The following VGLL1 variants were observed in gnomAD, a reference collection of about 807,000 sequenced individuals.
VGLL1 encodes the protein vestigial like family member 1.
VGLL1 carries 4 observed loss-of-function variants against 12.0 expected under a neutral mutation model. The observed-to-expected ratio is 0.33, with a 90% CI of 0.16 to 0.76. The LOEUF (loss-of-function observed/expected upper bound fraction) is 0.76. VGLL1 is among the 30% of genes least tolerant of loss of function. The probability of loss-of-function intolerance (pLI) is 0.60; values close to 1 mark genes in which losing one functional copy is unlikely to be tolerated. For synonymous variants in VGLL1, 87 were observed against 81.2 expected (o/e 1.07, Z -0.39); for missense variants, 204 against 208.7 (o/e 0.98, Z 0.14).
chrX:136,537,365 C>A (rs752098244), intron 2 of VGLL1, among the ~76,000 whole-genome samples: 7 of 109,485 alleles, frequency 6.4e-5, no homozygotes, highest in Middle Eastern at 4.6e-3. Context: ...AAAGCAAGAC[C>A]CTGTCTCAAA....
At chrX:136,534,471 G>A (rs754962527) in intron 1 of VGLL1, among the ~76,000 whole-genome samples, 1 of 112,758 alleles carries the variant, frequency 8.9e-6, no homozygotes, top group South Asian at 3.6e-4. Context: ...CTGTTGTGTA[G>A]ATTGGTAGTT....
rs749782510 is a variant in VGLL1, at chrX:136,556,430, A to G, written c.689-21A>G. On this transcript the variant is annotated intron_variant, in intron 4 of 4. Coordinates refer to ENST00000370634, the MANE Select transcript of VGLL1 (RefSeq NM_016267.4). ...ATAGGGGCCTAACTGGCTTTCATTA[A>G]CCATGTAACTTCTCCTTTAGCTCTT... 3 of 1,194,237 alleles carry G rather than the reference A, an allele frequency of 2.5e-6. No individual in the cohort carries two copies. The Admixed American group carries it at 6.6e-5, about 26-fold the overall frequency.
chrX:136,553,142 A>G (rs1051732721), intron 4 of VGLL1, among the ~76,000 whole-genome samples: 1 of 108,998 alleles, frequency 9.2e-6, no homozygotes, highest in Non-Finnish European at 1.9e-5. Flanking sequence ...TAAAAGGACA[A>G]TGGAACCCAG....
intron 1 of VGLL1, among the ~76,000 whole-genome samples, chrX:136,534,441 G>A (rs2075834205): frequency 8.9e-6 from 1 of 112,649 alleles, no homozygotes; most frequent in Admixed American, 9.4e-5. Flanking sequence ...CACTCAACAT[G>A]TTTTTGAGAT....
intron 4 of VGLL1, 127 bp downstream of exon 4, chrX:136,550,948 G>T: frequency 1.7e-6 from 1 of 582,205 alleles, no homozygotes; most frequent in East Asian, 3.5e-5. Flanking sequence ...TAATGGACGG[G>T]AGCCTTATTT....
intron 2 of VGLL1, among the ~76,000 whole-genome samples, chrX:136,538,912 G>C (rs1002300776): frequency 9.1e-6 from 1 of 109,638 alleles, no homozygotes; most frequent in Non-Finnish European, 1.9e-5. Context: ...TGGGCAGGAG[G>C]GGGTGGGTGG....
chrX:136,532,742 G>C (rs2075829317), intron 1 of VGLL1, among the ~76,000 whole-genome samples: 1 of 102,356 alleles, frequency 9.8e-6, no homozygotes, highest in Non-Finnish European at 2.0e-5. Context: ...ATATTTGAGG[G>C]AGCACTTTCT....
intron 1 of VGLL1, among the ~76,000 whole-genome samples, chrX:136,532,820 G>A (rs1312123101): frequency 9.2e-6 from 1 of 108,219 alleles, no homozygotes; most frequent in East Asian, 2.9e-4. Context: ...CCGTTCTGGC[G>A]GTACCACTGG....
intron 2 of VGLL1, 70 bp from the exon 3 acceptor site, chrX:136,548,519 T>TAAA: frequency 1.1e-6 from 1 of 935,878 alleles, no homozygotes; most frequent in Non-Finnish European, 1.4e-6. Context: ...GAGTATGTAT[T>TAAA]AAAAAAAAAA....
intron 2 of VGLL1, among the ~76,000 whole-genome samples, chrX:136,536,872 A>C (rs969322783): frequency 6.2e-5 from 7 of 112,353 alleles, no homozygotes; most frequent in Admixed American, 2.8e-4. Flanking sequence ...CAAATATGCA[A>C]ATTTGTGAGC....
At chrX:136,537,338 A>G (rs922863055) in intron 2 of VGLL1, among the ~76,000 whole-genome samples, 2 of 110,255 alleles carry the variant, frequency 1.8e-5, no homozygotes, top group Non-Finnish European at 3.8e-5. Context: ...GCACCACTGT[A>G]CTCCAGCCTG....
intron 2 of VGLL1, among the ~76,000 whole-genome samples, chrX:136,545,853 G>A (rs1274609774): frequency 9.0e-6 from 1 of 111,122 alleles, no homozygotes; most frequent in Non-Finnish European, 1.9e-5. Flanking sequence ...AAAGCAGGGG[G>A]AATGGCCTGC....
chrX:136,533,688 G>A (rs893116305), intron 1 of VGLL1, among the ~76,000 whole-genome samples: 21 of 112,057 alleles, frequency 1.9e-4, no homozygotes, highest in African/African-American at 3.2e-5. Flanking sequence ...TGCTGCCTGC[G>A]TTATCTGAAG....
chrX:136,556,638 T>G lies in VGLL1; in HGVS notation c.*99T>G. 1.3e-6 allele frequency: 1 copy of G among 771,833 alleles called. No homozygotes were observed. The highest frequency in any genetic ancestry group is 1.9e-6 in the Non-Finnish European group (1 of 519,187). The allele number at this position is 771,833 out of a possible 1,213,427, so 63.6% of individuals were successfully genotyped here. On this transcript the variant is annotated 3_prime_UTR_variant, in exon 5 of 5. Transcript: ENST00000370634. ...AAAATGAAAGCTGCTCACACCCACT[T>G]GCCTCCCCAATCTGTTAAACAGCTT...
At chrX:136,551,755 T>C (rs1374123194) in intron 4 of VGLL1, among the ~76,000 whole-genome samples, 1 of 111,486 alleles carries the variant, frequency 9.0e-6, no homozygotes, top group African/African-American at 3.3e-5. Flanking sequence ...GCATCCTGTG[T>C]TCCCCAAGCT....
intron 4 of VGLL1, among the ~76,000 whole-genome samples, chrX:136,552,607 T>C (rs191772171): frequency 8.9e-6 from 1 of 111,827 alleles, no homozygotes; most frequent in African/African-American, 3.3e-5. Context: ...CCTTGTGAGG[T>C]GTATGTGAAT....
At chrX:136,541,433 C>T (rs758370086) in intron 2 of VGLL1, among the ~76,000 whole-genome samples, 1 of 112,542 alleles carries the variant, frequency 8.9e-6, no homozygotes, top group Non-Finnish European at 1.9e-5. Flanking sequence ...GAAGGAAAAA[C>T]TGCCTCCCTC....
intron 2 of VGLL1, among the ~76,000 whole-genome samples, chrX:136,538,136 A>G (rs1279288324): frequency 1.8e-5 from 2 of 111,945 alleles, no homozygotes; most frequent in Non-Finnish European, 3.8e-5. Flanking sequence ...CTTCAAGATA[A>G]CTAAGTCAAA....
At chrX:136,541,975 T>C (rs2075857343) in intron 2 of VGLL1, among the ~76,000 whole-genome samples, 1 of 111,689 alleles carries the variant, frequency 9.0e-6, no homozygotes, top group African/African-American at 3.3e-5. Context: ...CTTCAGTAAC[T>C]ATAGTTTGTA....
Sources: allele counts gnomAD v4.1 joint callset (sites outside exome capture counted in the v4.1 genomes callset), GRCh38; gene constraint gnomAD v4.1.1; transcripts MANE v1.5; gene names NCBI Gene and HGNC (gene_info 2026-07-23, HGNC 2026-07-21).